Variants in DDX60L observed in about 807,000 individuals in gnomAD.
DDX60L encodes probable ATP-dependent RNA helicase DDX60-like.
In DDX60L, 191 loss-of-function variants were observed where a neutral mutation model predicts 211.6. The ratio of observed to expected loss-of-function variants is 0.90; its 90% CI spans 0.80 to 1.02. The LOEUF is 1.02. Ranked by LOEUF, DDX60L falls within the 50% of genes least tolerant of loss-of-function variation. The pLI is 0.00. For missense variants in DDX60L, 2,007 were observed against 1,984.1 expected (o/e 1.01, Z -0.22); for synonymous variants, 706 against 694.1 (o/e 1.02, Z -0.27).
At chr4:168,479,838 G>A in intron 1 of DDX60L, among the ~76,000 whole-genome samples, 1 of 151,884 alleles carries the variant, frequency 6.6e-6, no homozygotes, top group African/African-American at 2.4e-5. Context: ...AAAAAAATTA[G>A]CCGGGCGTGG....
At position 168,358,216 on chromosome 4, in the gene DDX60L, T is replaced by C. The variant is rs1291122896; in HGVS notation, c.5052A>G (p.Gln1684=). ...KRDNVVLAFK[Q]LSQTFYEKLQ... is the part of the protein sequence containing the mutation. ...GTTTCTCATAAAAGGTTTGACTCAA[T>C]TGTTTAAATGCCAGGACTACATTGT... Residue 1684 remains glutamine (Q), a synonymous_variant, in exon 38 of 38, where the codon CAA becomes CAG. Coordinates refer to ENST00000682922, the MANE Select transcript of DDX60L (RefSeq NM_001012967.3). The C allele has an allele frequency of 3.1e-6, 5 of 1,606,664 alleles. No individual in the cohort carries two copies. Among genetic ancestry groups the C allele is most frequent in the Non-Finnish European group, 4.3e-6 (5 of 1,175,494 alleles).
intron 14 of DDX60L, among the ~76,000 whole-genome samples, chr4:168,425,567 G>C (rs1366215002): frequency 6.6e-6 from 1 of 152,158 alleles, no homozygotes; most frequent in East Asian, 1.9e-4. Context: ...TTCAAGACCA[G>C]CCTGGCCAAC....
chr4:168,432,944 A>T, intron 11 of DDX60L, 66 bp downstream of exon 11: 3 of 901,676 alleles, frequency 3.3e-6, no homozygotes, highest in Non-Finnish European at 5.2e-6. Context: ...CATTTTGATG[A>T]GTCATTCACT....
intron 29 of DDX60L, among the ~76,000 whole-genome samples, chr4:168,387,311 T>G (rs1437777594): frequency 6.6e-6 from 1 of 152,250 alleles, no homozygotes; most frequent in Non-Finnish European, 1.5e-5. Flanking sequence ...CCTAGCTGTT[T>G]GAAAGAAACA....
intron 13 of DDX60L, among the ~76,000 whole-genome samples, chr4:168,428,569 G>A (rs1451762790): frequency 6.6e-6 from 1 of 152,064 alleles, no homozygotes; most frequent in African/African-American, 2.4e-5. Flanking sequence ...CTCCAGTTAG[G>A]GTAAGGCAGC....
In DDX60L at chr4:168,394,581, T is replaced by C. The variant is rs200397899; in HGVS notation, c.3694A>G (p.Arg1232Gly). 2.5e-6 allele frequency: 4 copies of C among 1,613,562 alleles called. No individual in the cohort carries two copies. In the East Asian group the frequency reaches 6.7e-5, roughly 27 times the overall value. ...AAAGCCTTCAGTTCTTTGCCGTGTCTTGTAAATCGCACTCGCGGTAATACC... is the reference window on the plus strand; with the variant it reads ...AAAGCCTTCAGTTCTTTGCCGTGTCCTGTAAATCGCACTCGCGGTAATACC... ...ERVLPRVRFTRHGKELKALAQ... is the reference protein window; with the variant it reads ...ERVLPRVRFTGHGKELKALAQ... The change falls in exon 28 of 38, where the codon AGA becomes GGA. Residue 1232 changes from arginine to glycine, a missense_variant. By Grantham distance (125) the Arg-to-Gly change is moderately radical. Coordinates refer to ENST00000682922, the MANE Select transcript of DDX60L (RefSeq NM_001012967.3).
At chr4:168,470,851 A>G in intron 4 of DDX60L, 3 of 282,092 alleles carry the variant, frequency 1.1e-5, no homozygotes, top group Middle Eastern at 4.3e-4. Context: ...AAAAAAAAAA[A>G]AGAAAGTTCT....
At chr4:168,475,772 G>A (rs1443244124) in intron 1 of DDX60L, among the ~76,000 whole-genome samples, 1 of 152,062 alleles carries the variant, frequency 6.6e-6, no homozygotes, top group Non-Finnish European at 1.5e-5. Flanking sequence ...AATTGGAGAT[G>A]GGGGCTTCAG....
chr4:168,384,943 T>C (rs772978136), intron 29 of DDX60L, 131 bp from the exon 30 acceptor site: 24 of 920,454 alleles, frequency 2.6e-5, no homozygotes, highest in Non-Finnish European at 3.8e-5. Flanking sequence ...AACTAATCTA[T>C]GTTAACATGG....
intron 36 of DDX60L, among the ~76,000 whole-genome samples, chr4:168,363,311 A>T (rs1373217698): frequency 6.6e-6 from 1 of 152,250 alleles, no homozygotes. Flanking sequence ...TTCTTAAGTG[A>T]ATGCTACAAC....
intron 23 of DDX60L, among the ~76,000 whole-genome samples, 200 bp from the exon 24 acceptor site, chr4:168,406,278 A>G (rs73863193): frequency 0.03 from 4,606 of 152,324 alleles, 217 homozygotes; most frequent in African/African-American, 0.1. Flanking sequence ...CAAAAGAAAG[A>G]ATACAGGGCA....
intron 17 of DDX60L, among the ~76,000 whole-genome samples, chr4:168,420,588 CCTT>C (rs1336937022): frequency 6.9e-6 from 1 of 144,938 alleles, no homozygotes; most frequent in Non-Finnish European, 1.5e-5. Context: ...CTTTGATCCT[CCTT>C]GATTTTAAAC....
chr4:168,402,533 G>T (rs1036782057), intron 25 of DDX60L, among the ~76,000 whole-genome samples: 1 of 152,034 alleles, frequency 6.6e-6, no homozygotes, highest in Non-Finnish European at 1.5e-5. Flanking sequence ...ACAACCCAAT[G>T]AATTAGTTAT....
At position 168,375,409 on chromosome 4, in the gene DDX60L, T is replaced by C; in HGVS notation, c.4601A>G (p.Lys1534Arg). 2 of 1,612,892 alleles carry C rather than the reference T, an allele frequency of 1.2e-6. No individual in the cohort carries two copies. Among genetic ancestry groups the C allele is most frequent in the South Asian group, 2.2e-5 (2 of 90,922 alleles). ...TGACAAAGGGAGTTGATGCTCTTTT[T>C]TCATGTTCACCGACTTGGAAGCAAT... is the stretch of plus-strand genomic sequence containing the variant. The part of the protein sequence containing the change: ...LLIASKSVNM[K>R]KEHQLPLSRI... The change falls in exon 34 of 38, where the codon AAA becomes AGA. Residue 1534 changes from lysine to arginine, a missense_variant. Transcript: ENST00000682922.
chr4:168,369,452 A>G (rs556868775), intron 36 of DDX60L, among the ~76,000 whole-genome samples: 13 of 149,084 alleles, frequency 8.7e-5, no homozygotes, highest in African/African-American at 1.2e-4. Flanking sequence ...CGGCAGTGTG[A>G]AAACAAACTA....
intron 25 of DDX60L, 138 bp downstream of exon 25, chr4:168,403,844 T>C (rs1171011831): frequency 9.4e-6 from 4 of 424,338 alleles, no homozygotes; most frequent in Non-Finnish European, 1.2e-5. Flanking sequence ...AAAATCTATA[T>C]TATTTTTCTA....
intron 10 of DDX60L, among the ~76,000 whole-genome samples, chr4:168,439,191 G>A (rs1006229996): frequency 2.0e-5 from 3 of 152,146 alleles, no homozygotes; most frequent in African/African-American, 7.2e-5. Flanking sequence ...AGTTTTAGAT[G>A]TCAACTTCAT....
intron 33 of DDX60L, among the ~76,000 whole-genome samples, chr4:168,376,949 AT>A (rs1334429581): frequency 1.3e-5 from 2 of 152,208 alleles, no homozygotes; most frequent in East Asian, 3.8e-4. Flanking sequence ...ACATGAGATG[AT>A]TTAGTGTGAC....
Position 168,384,730 on chromosome 4 carries a change from CT to C in DDX60L, c.3997del (p.Arg1333AspfsTer10). 1 of 1,613,810 alleles carries C rather than the reference CT, an allele frequency of 6.2e-7. No homozygotes were observed. The highest frequency in any genetic ancestry group is 8.5e-7 in the Non-Finnish European group (1 of 1,179,898). On this transcript the variant is annotated frameshift_variant, in exon 30 of 38. Coordinates refer to ENST00000682922, the MANE Select transcript of DDX60L (RefSeq NM_001012967.3). LOFTEE classifies it high-confidence loss of function. The stretch of plus-strand genomic sequence containing the variant: ...CTCAGGAACACTGGATGCAAGGAGT[CT>C]TTTTATTTTGGGCAATGGGATATCA... Reference protein sequence around the residue: ...FFDIPLPKIKRLLASSVPELR... With the variant: ...FFDIPLPKIKXLLASSVPELR...
Sources: allele counts gnomAD v4.1 joint callset (sites outside exome capture counted in the v4.1 genomes callset), GRCh38; gene constraint gnomAD v4.1.1; transcripts MANE v1.5; gene names NCBI Gene and HGNC (gene_info 2026-07-23, HGNC 2026-07-21).